HSPH1: variants seen among roughly 807,000 people sequenced by gnomAD.
HSPH1 encodes heat shock protein family H (Hsp110) member 1, also known as heat shock protein 105 kDa.
HSPH1 carries 40 observed loss-of-function variants against 100.0 expected under a neutral mutation model. The ratio of observed to expected loss-of-function variants is 0.40; its 90% CI spans 0.31 to 0.52. The LOEUF (loss-of-function observed/expected upper bound fraction) is 0.52, where lower values mean the gene tolerates loss of function less well. Ranked by LOEUF, HSPH1 falls within the 20% of genes least tolerant of loss-of-function variation. HSPH1 has a pLI of 0.54. For missense variants in HSPH1, 876 were observed against 1,015.1 expected (o/e 0.86, Z 1.86); for synonymous variants, 403 against 344.0 (o/e 1.17, Z -1.90).
At chr13:31,153,678 G>C (rs1053400338) in intron 4 of HSPH1, among the ~76,000 whole-genome samples, 9 of 152,164 alleles carry the variant, frequency 5.9e-5, no homozygotes, top group Non-Finnish European at 1.0e-4. Flanking sequence ...GTACCTAAGA[G>C]AGAGTTTAGT....
At chr13:31,144,460 A>G (rs1645904681) in intron 11 of HSPH1, among the ~76,000 whole-genome samples, 1 of 152,204 alleles carries the variant, frequency 6.6e-6, no homozygotes, top group African/African-American at 2.4e-5. Flanking sequence ...CCAGCTATTT[A>G]TACCTTAAAA....
At chr13:31,162,193 C>G, upstream of HSPH1, 2 of 1,042,090 alleles carry the variant, frequency 1.9e-6, no homozygotes, top group South Asian at 1.4e-5. Flanking sequence ...AAACAGGCAA[C>G]GAAGAATGAC....
chr13:31,138,579 A>G lies in HSPH1; in HGVS notation c.2209-11T>C, dbSNP rs753396184. 1.9e-6 allele frequency: 3 copies of G among 1,599,718 alleles called. No individual in the cohort carries two copies. Among genetic ancestry groups the G allele is most frequent in the South Asian group, 1.1e-5 (1 of 89,162 alleles). Reference sequence around the variant, plus strand: ...GTTGTATTTCTCATCCTGAACAAAAATAACACGGTCATTCTGTAGAATTTA... The same window carrying G: ...GTTGTATTTCTCATCCTGAACAAAAGTAACACGGTCATTCTGTAGAATTTA... On this transcript the variant is annotated splice_polypyrimidine_tract_variant and intron_variant, in intron 16 of 17. Transcript: ENST00000320027.
At chr13:31,156,053 A>T (rs1281575535) in intron 2 of HSPH1, among the ~76,000 whole-genome samples, 5 of 152,210 alleles carry the variant, frequency 3.3e-5, no homozygotes, top group Non-Finnish European at 5.9e-5. Flanking sequence ...CAATGAATGA[A>T]TAGATCTAGT....
chr13:31,152,673 G>A (rs1956530573), intron 5 of HSPH1, 179 bp downstream of exon 5: 1 of 453,376 alleles, frequency 2.2e-6, no homozygotes, highest in Non-Finnish European at 4.0e-6. Context: ...AGATTCATAA[G>A]TTTGATAAAA....
chr13:31,151,420 T>C, intron 6 of HSPH1, 189 bp downstream of exon 6: 1 of 681,854 alleles, frequency 1.5e-6, no homozygotes, highest in Non-Finnish European at 2.4e-6. Flanking sequence ...ACAAGAACAC[T>C]TAAGAGTATG....
At position 31,139,115 on chromosome 13, in the gene HSPH1, C is replaced by CA; in HGVS notation, c.1981-9dup. 1 of 1,505,644 alleles carries CA rather than the reference C, an allele frequency of 6.6e-7. No homozygotes were observed. The highest frequency in any genetic ancestry group is 9.2e-7 in the Non-Finnish European group (1 of 1,082,024). The allele number at this position is 1,505,644 out of a possible 1,614,324, so 93.3% of individuals were successfully genotyped here. The stretch of plus-strand genomic sequence containing the variant: ...CAAAAAATTTTGATGATCCTTAACA[C>CA]AAAATATGACAATATTAGTGGCACT... On this transcript the variant is annotated splice_polypyrimidine_tract_variant and intron_variant, in intron 14 of 17. Coordinates refer to ENST00000320027, the MANE Select transcript of HSPH1 (RefSeq NM_006644.4).
chr13:31,153,317 A>ATTAT (rs1371796877), intron 4 of HSPH1, among the ~76,000 whole-genome samples: 2 of 152,218 alleles, frequency 1.3e-5, no homozygotes, highest in Admixed American at 6.5e-5. Flanking sequence ...TGGCATTAGG[A>ATTAT]AATTATAATG....
intron 7 of HSPH1, among the ~76,000 whole-genome samples, chr13:31,150,607 A>G (rs1956452081): frequency 6.6e-6 from 1 of 152,114 alleles, no homozygotes; most frequent in African/African-American, 2.4e-5. Context: ...TTTTGATCTG[A>G]TTCCATTACT....
In HSPH1 at chr13:31,136,532, T is replaced by C. The variant is rs1213074407; in HGVS notation, c.*786A>G. 6.6e-6 allele frequency: 1 copy of C among 152,440 alleles called. No individual in the cohort carries two copies. Among genetic ancestry groups the C allele is most frequent in the Non-Finnish European group, 1.5e-5 (1 of 67,998 alleles). 9.4% of individuals were successfully genotyped at this position (152,440 alleles called of 1,614,324 possible). On this transcript the variant is annotated 3_prime_UTR_variant, in exon 18 of 18. Coordinates refer to ENST00000320027, the MANE Select transcript of HSPH1 (RefSeq NM_006644.4). ...CTTAGAAAAGAGAGAACATAAGCAG[T>C]AAAAAAGAAAAACTGGACACTAACT...
At chr13:31,156,249 G>A (rs963817188) in intron 2 of HSPH1, among the ~76,000 whole-genome samples, 2 of 152,138 alleles carry the variant, frequency 1.3e-5, no homozygotes, top group Non-Finnish European at 2.9e-5. Flanking sequence ...AATTAGCCGG[G>A]CGTGGTTGCG....
chr13:31,140,128 G>A (rs1956035214), intron 14 of HSPH1, 56 bp downstream of exon 14: 1 of 1,459,146 alleles, frequency 6.9e-7, no homozygotes, highest in Non-Finnish European at 9.2e-7. Flanking sequence ...TGTCAATTTT[G>A]ATATTAAACA....
chr13:31,160,033 A>G (rs774777687), intron 1 of HSPH1, among the ~76,000 whole-genome samples: 1 of 152,224 alleles, frequency 6.6e-6, no homozygotes, highest in Non-Finnish European at 1.5e-5. Flanking sequence ...ATAGTTTAAC[A>G]AACATATTAA....
At chr13:31,145,160 A>C (rs1265728058) in intron 11 of HSPH1, among the ~76,000 whole-genome samples, 1 of 152,152 alleles carries the variant, frequency 6.6e-6, no homozygotes, top group Non-Finnish European at 1.5e-5. Context: ...TATCAAAGCC[A>C]ATTTTGCCAT....
In HSPH1 at chr13:31,161,409, C is replaced by T. The variant is rs1481627446; in HGVS notation, c.107+67G>A. Reference sequence around the variant, plus strand: ...CGCGGTGATCCGTACAGCCAGCCCGCGATCTTGGGTCCCCACACTAAGGGC... The same window carrying T: ...CGCGGTGATCCGTACAGCCAGCCCGTGATCTTGGGTCCCCACACTAAGGGC... On this transcript the variant is annotated intron_variant, in intron 1 of 17. Coordinates refer to ENST00000320027, the MANE Select transcript of HSPH1 (RefSeq NM_006644.4). 2.5e-6 allele frequency: 4 copies of T among 1,580,610 alleles called. No individual in the cohort carries two copies. The East Asian group carries it at 6.9e-5, about 27-fold the overall frequency.
intron 4 of HSPH1, chr13:31,154,102 TGG>T (rs917698963): frequency 1.1e-5 from 2 of 176,112 alleles, no homozygotes; most frequent in Non-Finnish European, 2.4e-5. Flanking sequence ...CCAAGACACC[TGG>T]GTGAGCAGAA....
chr13:31,162,118 G>C (rs1252407276), upstream of HSPH1: 6 of 1,534,458 alleles, frequency 3.9e-6, no homozygotes, highest in Non-Finnish European at 5.2e-6. Flanking sequence ...CCGCTCCCGT[G>C]CCATTGGCTC....
intron 8 of HSPH1, among the ~76,000 whole-genome samples, chr13:31,149,253 CTTTTA>C (rs950954017): frequency 4.6e-5 from 7 of 151,950 alleles, no homozygotes; most frequent in African/African-American, 1.4e-4. Flanking sequence ...CATATTCTTC[CTTTTA>C]TAAGTATACA....
In HSPH1 at chr13:31,155,593, T is replaced by G; in HGVS notation, c.227A>C (p.Asn76Thr). 2 of 1,611,738 alleles carry G rather than the reference T, an allele frequency of 1.2e-6. No individual in the cohort carries two copies. Among genetic ancestry groups the G allele is most frequent in the Non-Finnish European group, 1.7e-6 (2 of 1,178,194 alleles). Residue 76 changes from asparagine (N) to threonine (T), a missense_variant, in exon 3 of 18, where the codon AAT becomes ACT. Asn to Thr is a moderately conservative substitution (Grantham distance 65, BLOSUM62 0). Transcript: ENST00000320027. ...CTTCTCCTTTTGAATGAAGGGGTCA[T>G]TGAATGCTCGGCCATGAAATCTTTT... Reference protein sequence around the residue: ...NFKRFHGRAFNDPFIQKEKEN... With the variant: ...NFKRFHGRAFTDPFIQKEKEN...
Sources: allele counts gnomAD v4.1 joint callset (sites outside exome capture counted in the v4.1 genomes callset), GRCh38; gene constraint gnomAD v4.1.1; transcripts MANE v1.5; gene names NCBI Gene and HGNC (gene_info 2026-07-23, HGNC 2026-07-21).